FAT3: variants seen among roughly 807,000 people sequenced by gnomAD.
The protein encoded by FAT3 is protocadherin Fat 3.
FAT3 carries 95 observed loss-of-function variants against 310.2 expected under a neutral mutation model. The observed-to-expected ratio is 0.31, with a 90% confidence interval of 0.26 to 0.36. The LOEUF is 0.36. FAT3 is among the 10% of genes least tolerant of loss of function. FAT3 has a pLI of 1.00. For missense variants in FAT3, 5,408 were observed against 5,715.6 expected (o/e 0.95, Z 1.74); for synonymous variants, 2,314 against 2,192.9 (o/e 1.06, Z -1.54).
At chr11:92,851,014 G>A (rs567929910) in intron 19 of FAT3, among the ~76,000 whole-genome samples, 2 of 152,282 alleles carry the variant, frequency 1.3e-5, no homozygotes, top group African/African-American at 2.4e-5. Flanking sequence ...CATGGTGTGC[G>A]TGTTTCTCCT....
intron 1 of FAT3, among the ~76,000 whole-genome samples, chr11:92,333,105 G>A (rs1373795548): frequency 6.6e-6 from 1 of 152,126 alleles, no homozygotes; most frequent in Non-Finnish European, 1.5e-5. Context: ...ATATTTTTAT[G>A]TATAAAAACT....
chr11:92,800,002 C>T lies in FAT3; in HGVS notation c.6989C>T (p.Thr2330Ile). The T allele has an allele frequency of 1.2e-6, 2 of 1,613,880 alleles. No individual in the cohort carries two copies. The highest frequency in any genetic ancestry group is 1.7e-6 in the Non-Finnish European group (2 of 1,179,860). ...GTACATTATCAGATTGTCCAGGATACCTACAATAGCACAGATTATTTTCAC... is the reference window on the plus strand; with the variant it reads ...GTACATTATCAGATTGTCCAGGATATCTACAATAGCACAGATTATTTTCAC... ...KMVHYQIVQDTYNSTDYFHID... is the reference protein window; with the variant it reads ...KMVHYQIVQDIYNSTDYFHID... Residue 2330 changes from threonine (T) to isoleucine (I), a missense_variant, in exon 10 of 28, where the codon ACC (threonine) becomes ATC (isoleucine). By Grantham distance (89) the Thr-to-Ile change is moderately conservative (BLOSUM62 -1). Transcript: ENST00000525166.
At chr11:92,595,968 G>A (rs1291307657) in intron 3 of FAT3, among the ~76,000 whole-genome samples, 1 of 152,128 alleles carries the variant, frequency 6.6e-6, no homozygotes, top group Non-Finnish European at 1.5e-5. Flanking sequence ...GAGTACATTG[G>A]GCAATGTTTG....
At chr11:92,313,567 T>C (rs1444235557) in intron 1 of FAT3, among the ~76,000 whole-genome samples, 2 of 152,208 alleles carry the variant, frequency 1.3e-5, no homozygotes, top group Non-Finnish European at 1.5e-5. Flanking sequence ...TGTTTTGTTT[T>C]GTTTCGTTTT....
chr11:92,283,132 C>T (rs1946472856), intron 1 of FAT3, among the ~76,000 whole-genome samples: 1 of 152,098 alleles, frequency 6.6e-6, no homozygotes, highest in Non-Finnish European at 1.5e-5. Flanking sequence ...TACAGCCCAG[C>T]CCGATTGTCT....
rs1451199047 is a variant in FAT3 at position 92,896,321 on chromosome 11, A to C, written c.*5208A>C. 6.7e-6 allele frequency: 1 copy of C among 150,228 alleles called. No homozygotes were observed. The highest frequency in any genetic ancestry group is 6.6e-5 in the Admixed American group (1 of 15,104). The allele number at this position is 150,228 out of a possible 1,614,324, so 9.3% of individuals were successfully genotyped here. On this transcript the variant is annotated 3_prime_UTR_variant, in exon 28 of 28. Transcript: ENST00000525166. Reference sequence around the variant, plus strand: ...TTCTTTTTCTAAAAAAAAAGAAAAGAAAAGAAAAAAAAAACAAAAGCAAAC... The same window carrying C: ...TTCTTTTTCTAAAAAAAAAGAAAAGCAAAGAAAAAAAAAACAAAAGCAAAC...
At chr11:92,749,419 C>T (rs1339644830) in intron 4 of FAT3, among the ~76,000 whole-genome samples, 1 of 152,160 alleles carries the variant, frequency 6.6e-6, no homozygotes, top group Non-Finnish European at 1.5e-5. Context: ...GAGGTTATTT[C>T]TAATAAGATG....
At chr11:92,364,160 C>T (rs189265835) in intron 2 of FAT3, among the ~76,000 whole-genome samples, 35 of 152,158 alleles carry the variant, frequency 2.3e-4, no homozygotes, top group Admixed American at 2.6e-4. Context: ...AAACCTACAA[C>T]CTGGAAACTT....
intron 21 of FAT3, among the ~76,000 whole-genome samples, chr11:92,861,642 G>T: frequency 6.6e-6 from 1 of 152,218 alleles, no homozygotes; most frequent in East Asian, 1.9e-4. Flanking sequence ...TCATATGTTG[G>T]GTTTGCCTAA....
chr11:92,641,979 T>C (rs1253881102), intron 3 of FAT3, among the ~76,000 whole-genome samples: 1 of 152,220 alleles, frequency 6.6e-6, no homozygotes, highest in African/African-American at 2.4e-5. Context: ...CAATGCACAC[T>C]TGTAGAAGCC....
chr11:92,636,891 C>CAA (rs1941786373), intron 3 of FAT3, among the ~76,000 whole-genome samples: 1 of 152,188 alleles, frequency 6.6e-6, no homozygotes, highest in African/African-American at 2.4e-5. Flanking sequence ...GTTATCTTGG[C>CAA]TACAAATGTC....
At chr11:92,506,940 T>C (rs1028524979) in intron 2 of FAT3, among the ~76,000 whole-genome samples, 1 of 152,192 alleles carries the variant, frequency 6.6e-6, no homozygotes. Context: ...AGCCTTCTCT[T>C]TTCTCCTCTT....
At chr11:92,372,347 G>A (rs1454275696) in intron 2 of FAT3, among the ~76,000 whole-genome samples, 1 of 151,750 alleles carries the variant, frequency 6.6e-6, no homozygotes, top group Non-Finnish European at 1.5e-5. Context: ...TTAGGTGTCT[G>A]TGGTACAGGT....
intron 1 of FAT3, among the ~76,000 whole-genome samples, chr11:92,239,977 G>A (rs1456686086): frequency 6.6e-6 from 1 of 152,058 alleles, no homozygotes; most frequent in Non-Finnish European, 1.5e-5. Context: ...AATGTCTGGT[G>A]AATAACCTGA....
At chr11:92,801,956 A>C in intron 10 of FAT3, 47 bp downstream of exon 10, 1 of 1,539,412 alleles carries the variant, frequency 6.5e-7, no homozygotes, top group Non-Finnish European at 8.9e-7. Context: ...CTTTATAAAG[A>C]AAGATGGAAG....
intron 4 of FAT3, among the ~76,000 whole-genome samples, chr11:92,716,405 A>G (rs983719138): frequency 6.6e-6 from 1 of 152,096 alleles, no homozygotes; most frequent in African/African-American, 2.4e-5. Flanking sequence ...CCATCAGTAT[A>G]TGAGCTGAGG....
chr11:92,671,480 T>C (rs1400018008), intron 3 of FAT3, among the ~76,000 whole-genome samples: 1 of 152,038 alleles, frequency 6.6e-6, no homozygotes, highest in East Asian at 1.9e-4. Context: ...GCCTAGAACA[T>C]TTGCCCCCGT....
chr11:92,354,456 C>T lies in FAT3; in HGVS notation c.2344C>T (p.Gln782Ter). The T allele has an allele frequency of 1.2e-6, 2 of 1,613,796 alleles. No homozygotes were observed. The highest frequency in any genetic ancestry group is 8.5e-7 in the Non-Finnish European group (1 of 1,179,838). ...SCFNIDMETG[Q>*]LKVLMPMDRE... Reference sequence around the variant, plus strand: ...CTTTAATATTGATATGGAGACTGGGCAGCTTAAAGTCCTTATGCCCATGGA... The same window carrying T: ...CTTTAATATTGATATGGAGACTGGGTAGCTTAAAGTCCTTATGCCCATGGA... The change falls in exon 2 of 28, where the codon CAG becomes TAG. Residue 782 changes from glutamine to a stop codon, truncating the protein, a stop_gained. Coordinates refer to ENST00000525166, the MANE Select transcript of FAT3 (RefSeq NM_001367949.2). LOFTEE classifies it high-confidence loss of function.
At chr11:92,809,378 A>G (rs1348547223) in intron 12 of FAT3, among the ~76,000 whole-genome samples, 1 of 152,184 alleles carries the variant, frequency 6.6e-6, no homozygotes, top group Non-Finnish European at 1.5e-5. Context: ...GATAGAGCAA[A>G]AAGTTGAGTA....
Sources: allele counts gnomAD v4.1 joint callset (sites outside exome capture counted in the v4.1 genomes callset), GRCh38; gene constraint gnomAD v4.1.1; transcripts MANE v1.5; gene names NCBI Gene and HGNC (gene_info 2026-07-23, HGNC 2026-07-21).